Variants in AFF1 observed in about 807,000 individuals in gnomAD.
AFF1 encodes the protein AF4/FMR2 family member 1.
In AFF1, 48 loss-of-function variants were observed where a neutral mutation model predicts 121.7. The observed-to-expected ratio is 0.39, with a 90% CI of 0.31 to 0.50. AFF1 has a LOEUF of 0.50. Ranked by LOEUF, AFF1 falls within the 20% of genes least tolerant of loss-of-function variation. AFF1 has a pLI of 0.76. For synonymous variants in AFF1, 613 were observed against 563.0 expected (o/e 1.09, Z -1.26); for missense variants, 1,523 against 1,511.7 (o/e 1.01, Z -0.12).
chr4:86,979,177 A>T (rs1307660041), intron 2 of AFF1, among the ~76,000 whole-genome samples: 1 of 152,126 alleles, frequency 6.6e-6, no homozygotes. Context: ...GACTCACTGC[A>T]ACCTCCGCCT....
At chr4:86,935,798 T>A (rs1468588709) in intron 1 of AFF1, 1 of 140,254 alleles carries the variant, frequency 7.1e-6, no homozygotes, top group East Asian at 2.1e-4. Context: ...AGCCACCTTC[T>A]GAGACTTAAC....
intron 8 of AFF1, among the ~76,000 whole-genome samples, 168 bp downstream of exon 8, chr4:87,095,137 A>C (rs236687): frequency 0.18 from 27,918 of 152,086 alleles, 2,758 homozygotes; most frequent in Middle Eastern, 0.32. Context: ...TGTTTGTTTG[A>C]GATGGGGTCT....
chr4:87,114,788 T>G lies in AFF1; in HGVS notation c.1955T>G (p.Val652Gly), dbSNP rs1578280197. Residue 652 changes from valine to glycine, a missense_variant, in exon 12 of 21, where the codon GTG (valine) becomes GGG (glycine). Around this residue, in one of 5 missense-constraint regions of AFF1, gnomAD observed 905 missense variants for 842.5 expected, o/e 1.07. Coordinates refer to ENST00000395146, the MANE Select transcript of AFF1 (RefSeq NM_001166693.3). ...CAGACTTCCAAAGACAAGCCCAAGG[T>G]GAAGACGAAAGGACGGCCCCGGGCC... The part of the protein sequence containing the change: ...RDQTSKDKPK[V>G]KTKGRPRAAA... 1.2e-6 allele frequency: 2 copies of G among 1,612,144 alleles called. No homozygotes were observed. The highest frequency in any genetic ancestry group is 3.3e-5 in the Admixed American group (2 of 59,756).
intron 2 of AFF1, chr4:87,007,002 C>G (rs1229674297): frequency 4.6e-6 from 5 of 1,094,446 alleles, no homozygotes; most frequent in Non-Finnish European, 5.6e-6. Flanking sequence ...ATTTCTTTTC[C>G]TTTCTAACTG....
intron 2 of AFF1, among the ~76,000 whole-genome samples, chr4:86,955,339 G>T (rs934518153): frequency 6.6e-6 from 1 of 152,208 alleles, no homozygotes; most frequent in Non-Finnish European, 1.5e-5. Context: ...TGAATAAATT[G>T]TTCAAACGCC....
chr4:86,971,209 G>A (rs1722920916), intron 2 of AFF1, among the ~76,000 whole-genome samples: 1 of 152,192 alleles, frequency 6.6e-6, no homozygotes, highest in Non-Finnish European at 1.5e-5. Context: ...ACTGTAAGCA[G>A]GGACCAGGTC....
chr4:87,045,488 G>C (rs1337705055), intron 2 of AFF1, among the ~76,000 whole-genome samples: 9 of 151,820 alleles, frequency 5.9e-5, no homozygotes, highest in Non-Finnish European at 1.3e-4. Context: ...GATGATTTAG[G>C]ATACATTTTT....
intron 4 of AFF1, among the ~76,000 whole-genome samples, chr4:87,064,316 A>G (rs566790029): frequency 1.3e-5 from 2 of 152,224 alleles, no homozygotes; most frequent in African/African-American, 4.8e-5. Context: ...CCTGAATCCA[A>G]TATAGAAGAT....
chr4:87,061,085 T>C (rs770851077), intron 4 of AFF1, among the ~76,000 whole-genome samples: 4 of 152,178 alleles, frequency 2.6e-5, no homozygotes, highest in Admixed American at 2.0e-4. Context: ...ATTGAGTCTT[T>C]TATTATGTTA....
intron 2 of AFF1, among the ~76,000 whole-genome samples, chr4:86,974,962 G>A (rs923339852): frequency 6.6e-6 from 1 of 151,968 alleles, no homozygotes; most frequent in Non-Finnish European, 1.5e-5. Flanking sequence ...CCCTGTGTCC[G>A]TGCTATAAAG....
intron 2 of AFF1, among the ~76,000 whole-genome samples, chr4:86,955,872 C>T (rs1053643989): frequency 6.6e-6 from 1 of 152,138 alleles, no homozygotes; most frequent in Non-Finnish European, 1.5e-5. Flanking sequence ...TGGAAGCTCT[C>T]CTTTTCGAGT....
At chr4:86,945,998 TTTAGATCTTGCTTAGA>T (rs1720832014) in intron 1 of AFF1, among the ~76,000 whole-genome samples, 1 of 152,326 alleles carries the variant, frequency 6.6e-6, no homozygotes, top group Admixed American at 6.5e-5. Flanking sequence ...GTACATTTTA[TTTAGATCTTGCTTAGA>T]TTAACCCATG....
intron 4 of AFF1, among the ~76,000 whole-genome samples, chr4:87,061,040 A>G (rs534371366): frequency 1.9e-3 from 291 of 152,256 alleles, no homozygotes; most frequent in Non-Finnish European, 3.2e-3. Context: ...AGTTGCTAAG[A>G]CAAGGGAAAA....
At chr4:87,066,922 C>T (rs981971282) in intron 4 of AFF1, among the ~76,000 whole-genome samples, 1 of 152,172 alleles carries the variant, frequency 6.6e-6, no homozygotes, top group Non-Finnish European at 1.5e-5. Context: ...TAGAAACATA[C>T]TGCAGACACA....
chr4:87,090,127 A>G (rs1724152766), intron 6 of AFF1, 57 bp downstream of exon 6: 2 of 1,383,288 alleles, frequency 1.4e-6, no homozygotes, highest in East Asian at 2.3e-5. Context: ...AGCGTAAGGC[A>G]TTGCTGTGAG....
chr4:86,995,754 C>T (rs1285965461), intron 2 of AFF1, among the ~76,000 whole-genome samples: 12 of 151,944 alleles, frequency 7.9e-5, no homozygotes, highest in African/African-American at 2.7e-4. Flanking sequence ...AAGTGAGGAG[C>T]GTCTCTGCCA....
chr4:87,010,158 A>G (rs1726589544), intron 2 of AFF1, among the ~76,000 whole-genome samples: 1 of 152,238 alleles, frequency 6.6e-6, no homozygotes, highest in Non-Finnish European at 1.5e-5. Flanking sequence ...TGGCTTGTGG[A>G]CTTTTATAAA....
At position 87,139,276 on chromosome 4, in the gene AFF1, A is replaced by AGTTTGAGTT. The variant is rs1729534578; in HGVS notation, c.*3578_*3586dup. ...CACCTTTTACTCCTCTGCTTTATGA[A>AGTTTGAGTT]GTTTGAGTTGTATTTGTGCATCTTA... is the stretch of plus-strand genomic sequence containing the variant. On this transcript the variant is annotated 3_prime_UTR_variant, in exon 21 of 21. Coordinates refer to ENST00000395146, the MANE Select transcript of AFF1 (RefSeq NM_001166693.3). 4.3e-6 allele frequency: 1 copy of AGTTTGAGTT among 232,690 alleles called. No homozygotes were observed. Among genetic ancestry groups the AGTTTGAGTT allele is most frequent in the Non-Finnish European group, 8.5e-6 (1 of 117,840 alleles). The allele number at this position is 232,690 out of a possible 1,614,324, so 14.4% of individuals were successfully genotyped here.
chr4:87,098,804 T>C (rs1048701504), intron 8 of AFF1, among the ~76,000 whole-genome samples: 3 of 152,186 alleles, frequency 2.0e-5, no homozygotes, highest in African/African-American at 7.2e-5. Flanking sequence ...GAGGGAGATA[T>C]CTGGATGTGA....
Sources: allele counts gnomAD v4.1 joint callset (sites outside exome capture counted in the v4.1 genomes callset), GRCh38; gene constraint gnomAD v4.1.1; regional missense constraint gnomAD v4.1.1; transcripts MANE v1.5; gene names NCBI Gene and HGNC (gene_info 2026-07-23, HGNC 2026-07-21).